Variants in DISC1 observed in about 807,000 individuals in gnomAD.
The protein encoded by DISC1 is DISC1 scaffold protein, also known as disrupted in schizophrenia 1 protein.
Under a neutral mutation model 84.5 loss-of-function variants are expected in DISC1, and 57 were observed. The observed-to-expected ratio is 0.67, with a 90% CI of 0.55 to 0.84. The LOEUF is 0.84. Among genes scored for constraint, DISC1 ranks in the 40% least tolerant of loss-of-function variants. DISC1 has a pLI of 0.00. For missense variants in DISC1, 1,000 were observed against 1,057.8 expected (o/e 0.95, Z 0.76); for synonymous variants, 411 against 415.2 (o/e 0.99, Z 0.12).
At chr1:231,948,253 C>G (rs1657616249) in intron 9 of DISC1, among the ~76,000 whole-genome samples, 1 of 152,138 alleles carries the variant, frequency 6.6e-6, no homozygotes, top group Non-Finnish European at 1.5e-5. Flanking sequence ...GGCACATATA[C>G]ACCATGGAAT....
chr1:232,009,365 A>G lies in DISC1; in HGVS notation c.2307+316A>G. The stretch of plus-strand genomic sequence containing the variant: ...GCATACATTATATATGTCATATATA[A>G]TATAGTTATTATATTCACTATAGAT... On this transcript the variant is annotated intron_variant, in intron 11 of 12. Coordinates refer to ENST00000439617, the MANE Select transcript of DISC1 (RefSeq NM_018662.3). This position sits in a 1 kb window ranked among gnomAD's most constrained non-coding sequence, Gnocchi z 4.6. The G allele has an allele frequency of 2.2e-6, 2 of 906,378 alleles. No homozygotes were observed. Among genetic ancestry groups the G allele is most frequent in the Non-Finnish European group, 2.7e-6 (2 of 735,564 alleles). 56.1% of individuals were successfully genotyped at this position (906,378 alleles called of 1,614,324 possible). A position where few individuals can be genotyped will look rare whatever the true frequency, so the allele number is the denominator to read the frequency against.
chr1:231,809,869 T>G (rs2080120925), intron 8 of DISC1, among the ~76,000 whole-genome samples: 2 of 152,226 alleles, frequency 1.3e-5, no homozygotes, highest in Non-Finnish European at 2.9e-5. Flanking sequence ...AATATCCTTT[T>G]CTTGCATAAT....
intron 9 of DISC1, chr1:231,944,006 G>A (rs2091481030): frequency 6.6e-6 from 1 of 152,154 alleles, no homozygotes; most frequent in Non-Finnish European, 1.5e-5. Flanking sequence ...TTATAGGCAT[G>A]AACCACCACA....
chr1:231,986,404 G>A (rs148912769), intron 10 of DISC1, among the ~76,000 whole-genome samples: 85 of 152,284 alleles, frequency 5.6e-4, no homozygotes, highest in Non-Finnish European at 1.2e-3. Flanking sequence ...CTCTACTTAC[G>A]TTCCTCATGG....
At chr1:231,650,390 C>T (rs1424817017) in intron 1 of DISC1, among the ~76,000 whole-genome samples, 1 of 152,120 alleles carries the variant, frequency 6.6e-6, no homozygotes, top group East Asian at 1.9e-4. Context: ...GAATATTGGC[C>T]CCCACTCTCT....
intron 9 of DISC1, among the ~76,000 whole-genome samples, chr1:231,907,341 A>G (rs4027693): frequency 0.8 from 116,101 of 145,936 alleles, 46,021 homozygotes; most frequent in East Asian, 0.91. Context: ...AACAGGCCCC[A>G]GTGTGTGATG....
At chr1:231,778,955 C>T (rs1205859145) in intron 6 of DISC1, among the ~76,000 whole-genome samples, 1 of 152,116 alleles carries the variant, frequency 6.6e-6, no homozygotes, top group Non-Finnish European at 1.5e-5. Flanking sequence ...CCTTTTGTAG[C>T]TTAGACATAA....
chr1:231,655,910 G>A (rs2061024389), intron 1 of DISC1, among the ~76,000 whole-genome samples: 1 of 152,112 alleles, frequency 6.6e-6, no homozygotes, highest in African/African-American at 2.4e-5. Flanking sequence ...TTTGAGAAAT[G>A]TATATTCATG....
intron 11 of DISC1, among the ~76,000 whole-genome samples, chr1:232,020,798 C>T (rs770317695): frequency 7.2e-5 from 11 of 152,194 alleles, no homozygotes; most frequent in Non-Finnish European, 1.0e-4. Context: ...ATGTAGCTTT[C>T]TATGAAGGCT....
chr1:231,902,680 C>T (rs1450522683), intron 9 of DISC1, among the ~76,000 whole-genome samples: 1 of 152,082 alleles, frequency 6.6e-6, no homozygotes, highest in Non-Finnish European at 1.5e-5. Context: ...TATTTTCTCA[C>T]AGTTTTAGAG....
At chr1:231,702,661 A>G (rs936725708) in intron 3 of DISC1, 1 of 969,004 alleles carries the variant, frequency 1.0e-6, no homozygotes, top group Non-Finnish European at 1.2e-6. Flanking sequence ...AAACAAAAAA[A>G]CCAATTAAAA....
intron 3 of DISC1, among the ~76,000 whole-genome samples, chr1:231,707,709 C>G (rs1007524405): frequency 7.3e-6 from 1 of 137,886 alleles, no homozygotes; most frequent in African/African-American, 2.5e-5. Flanking sequence ...TATGTTTCCT[C>G]TTTTTATGAT....
At chr1:231,937,591 C>T (rs995287223) in intron 9 of DISC1, among the ~76,000 whole-genome samples, 14 of 152,204 alleles carry the variant, frequency 9.2e-5, no homozygotes, top group Non-Finnish European at 1.8e-4. Context: ...GCCAGGGTTA[C>T]AGCACCGGAA....
At chr1:231,885,426 T>C (rs867993384) in intron 9 of DISC1, among the ~76,000 whole-genome samples, 2 of 152,238 alleles carry the variant, frequency 1.3e-5, no homozygotes, top group Middle Eastern at 6.8e-3. Context: ...AGGAGTGTGA[T>C]AGGGGAGTGA....
intron 11 of DISC1, among the ~76,000 whole-genome samples, chr1:232,018,999 A>G (rs1668719017): frequency 6.6e-6 from 1 of 152,202 alleles, no homozygotes; most frequent in African/African-American, 2.4e-5. Context: ...AAAACAGCAT[A>G]GCTTCTTCCA....
chr1:232,015,709 G>C (rs1344855940), intron 11 of DISC1, among the ~76,000 whole-genome samples: 1 of 152,154 alleles, frequency 6.6e-6, no homozygotes, highest in Admixed American at 6.5e-5. Context: ...GAACACTGGA[G>C]TTCCATGAAG....
At chr1:231,713,431 T>G (rs1316058012) in intron 3 of DISC1, among the ~76,000 whole-genome samples, 2 of 151,880 alleles carry the variant, frequency 1.3e-5, no homozygotes, top group Non-Finnish European at 2.9e-5. Flanking sequence ...AAAAACAGTG[T>G]ATGAACAAAA....
At chr1:231,942,200 A>T (rs1254082851) in intron 9 of DISC1, among the ~76,000 whole-genome samples, 1 of 152,200 alleles carries the variant, frequency 6.6e-6, no homozygotes, top group Non-Finnish European at 1.5e-5. Flanking sequence ...TTTTTCTGGG[A>T]TCTACTTCCA....
chr1:231,652,138 T>G (rs1355074143), intron 1 of DISC1, among the ~76,000 whole-genome samples: 1 of 152,128 alleles, frequency 6.6e-6, no homozygotes, highest in African/African-American at 2.4e-5. Flanking sequence ...GGTACCTCAG[T>G]TGGAAATGCA....
Sources: gnomAD v4.1 joint callset for allele counts (sites outside exome capture counted in the v4.1 genomes callset) on GRCh38, gnomAD v4.1.1 for gene constraint, Gnocchi (gnomAD v3.1) non-coding constraint, MANE v1.5 for transcripts, NCBI Gene and HGNC (gene_info 2026-07-23, HGNC 2026-07-21) for gene names.